The following DENND2A variants were observed in gnomAD, a reference collection of about 807,000 sequenced individuals.
DENND2A encodes the protein DENN domain containing 2A.
A neutral mutation model predicts 105.3 loss-of-function variants in DENND2A; 53 were observed. That is an observed-to-expected ratio of 0.50 (90% confidence interval 0.40 to 0.63). The LOEUF is 0.63. Ranked by LOEUF, DENND2A falls within the 30% of genes least tolerant of loss-of-function variation. DENND2A has a pLI of 0.00. For synonymous variants in DENND2A, 522 were observed against 508.4 expected, an observed-to-expected ratio of 1.03 and a Z score of -0.36; for missense variants, 1,138 against 1,279.6, an observed-to-expected ratio of 0.89 and a Z score of 1.69.
intron 1 of DENND2A, among the ~76,000 whole-genome samples, chr7:140,620,228 G>T (rs751242138): frequency 1.3e-5 from 2 of 151,238 alleles, no homozygotes; most frequent in African/African-American, 2.4e-5. Context: ...TTAAACTGAA[G>T]CTAGAAAGAA....
intron 5 of DENND2A, among the ~76,000 whole-genome samples, chr7:140,580,333 G>T (rs79516429): frequency 2.0e-4 from 30 of 152,180 alleles, no homozygotes; most frequent in Non-Finnish European, 2.9e-4. Flanking sequence ...ATGTATGTAT[G>T]TATTTATTTA....
At chr7:140,568,001 C>T (rs1240734521) in intron 8 of DENND2A, among the ~76,000 whole-genome samples, 3 of 152,072 alleles carry the variant, frequency 2.0e-5, no homozygotes, top group Non-Finnish European at 4.4e-5. Flanking sequence ...AGTGCAATGG[C>T]GCAATCTCAG....
chr7:140,591,731 TTC>T lies in DENND2A; in HGVS notation c.996-3953_996-3952del, dbSNP rs199843276. On this transcript the variant is annotated intron_variant, in intron 3 of 19. Coordinates refer to ENST00000496613, the MANE Select transcript of DENND2A (RefSeq NM_015689.5). ...CTTCTTTCTCTCTCTTTCCTTTCCTTTCTCTCTCTCTTTTCTTTCTCTTTCCC... is the reference window on the plus strand; with the variant it reads ...CTTCTTTCTCTCTCTTTCCTTTCCTTTCTCTCTCTTTTCTTTCTCTTTCCC... Among the ~76,000 whole-genome samples, 320 of 149,692 alleles carry T rather than the reference TTC, an allele frequency of 2.1e-3. 3 individuals carry two copies. Among genetic ancestry groups the T allele is most frequent in the Middle Eastern group, 6.8e-3 (2 of 294 alleles).
chr7:140,548,891 A>G (rs1465670923), intron 12 of DENND2A, among the ~76,000 whole-genome samples: 1 of 151,862 alleles, frequency 6.6e-6, no homozygotes, highest in East Asian at 2.0e-4. Flanking sequence ...GATTACAGGC[A>G]TGAGCCACTG....
intron 1 of DENND2A, among the ~76,000 whole-genome samples, chr7:140,637,206 A>C (rs1045686118): frequency 2.0e-5 from 3 of 150,400 alleles, no homozygotes; most frequent in Non-Finnish European, 4.5e-5. Context: ...GGCTAGTCTC[A>C]AACTCTCCTC....
At chr7:140,631,538 A>G (rs373846212) in intron 1 of DENND2A, among the ~76,000 whole-genome samples, 16 of 152,236 alleles carry the variant, frequency 1.1e-4, no homozygotes, top group African/African-American at 3.9e-4. Flanking sequence ...GAGAGGGATT[A>G]AGAAGCTCTC....
chr7:140,586,626 C>A (rs916221489), intron 4 of DENND2A, among the ~76,000 whole-genome samples: 2 of 152,152 alleles, frequency 1.3e-5, no homozygotes, highest in African/African-American at 4.8e-5. Flanking sequence ...GTTGGGTTTT[C>A]TGTTCCTTGT....
chr7:140,562,395 C>T (rs890549961), intron 9 of DENND2A, among the ~76,000 whole-genome samples: 3 of 152,032 alleles, frequency 2.0e-5, no homozygotes, highest in African/African-American at 7.2e-5. Context: ...GGCGTGGTGG[C>T]TCACGCCTGT....
Position 140,629,091 on chromosome 7 carries a change from C to T in DENND2A, c.-248+11413G>A, listed in dbSNP as rs557317621. Among the ~76,000 whole-genome samples the T allele has an allele frequency of 3.3e-5, 5 of 152,196 alleles. No individual in the cohort carries two copies. The South Asian group carries it at 1.0e-3, about 32-fold the overall frequency. On this transcript the variant is annotated intron_variant, in intron 1 of 19. Transcript: ENST00000496613. ...GGAATGCCTGACACGCCCTTAAACT[C>T]ACAGAAAACTCAAGAGGAATCCATG... is the stretch of plus-strand genomic sequence containing the variant.
At chr7:140,595,857 C>T (rs1359616871) in intron 3 of DENND2A, among the ~76,000 whole-genome samples, 1 of 152,148 alleles carries the variant, frequency 6.6e-6, no homozygotes, top group East Asian at 1.9e-4. Context: ...CACGCGCTGA[C>T]TTCCATCCTC....
At chr7:140,581,000 T>C (rs186465522) in intron 5 of DENND2A, among the ~76,000 whole-genome samples, 1,944 of 150,740 alleles carry the variant, frequency 0.013, 31 homozygotes, top group African/African-American at 0.043. Context: ...CGGTGGCTTA[T>C]GCCTGTAATC....
At chr7:140,624,365 ACAC>A (rs1800422260) in intron 1 of DENND2A, among the ~76,000 whole-genome samples, 1 of 120,786 alleles carries the variant, frequency 8.3e-6, no homozygotes, top group Non-Finnish European at 1.8e-5. Flanking sequence ...AACAACAACA[ACAC>A]AACAACAACA....
chr7:140,586,922 GT>G (rs1372979792), intron 4 of DENND2A, among the ~76,000 whole-genome samples: 4 of 152,088 alleles, frequency 2.6e-5, no homozygotes, highest in Non-Finnish European at 5.9e-5. Flanking sequence ...TTATCAGCTT[GT>G]TTCTTCCCCC....
chr7:140,557,306 G>C (rs893271008), intron 11 of DENND2A, among the ~76,000 whole-genome samples: 26 of 151,290 alleles, frequency 1.7e-4, no homozygotes, highest in African/African-American at 6.3e-4. Flanking sequence ...TCGGGAGGCT[G>C]AGGCAGGAGG....
At chr7:140,594,917 T>C (rs1202941760) in intron 3 of DENND2A, among the ~76,000 whole-genome samples, 1 of 152,046 alleles carries the variant, frequency 6.6e-6, no homozygotes, top group South Asian at 2.1e-4. Context: ...GGTTGCACCA[T>C]GTTGGCCAGG....
chr7:140,544,380 A>G (rs1796805590), intron 14 of DENND2A: 15 of 592,572 alleles, frequency 2.5e-5, no homozygotes, highest in Non-Finnish European at 3.0e-6. Context: ...TTTTTAGTAG[A>G]GACGGAGTTT....
chr7:140,593,721 C>T (rs962108045), intron 3 of DENND2A, among the ~76,000 whole-genome samples: 1 of 152,026 alleles, frequency 6.6e-6, no homozygotes, highest in African/African-American at 2.4e-5. Context: ...CTAGTTAACC[C>T]AAGTTTTACC....
At chr7:140,549,896 GATAA>G in intron 12 of DENND2A, among the ~76,000 whole-genome samples, 1 of 152,166 alleles carries the variant, frequency 6.6e-6, no homozygotes, top group South Asian at 2.1e-4. Context: ...TGGATAAATG[GATAA>G]ATAAAATGTT....
In DENND2A at chr7:140,601,510, C is replaced by T; in HGVS notation, c.888G>A (p.Leu296=). The change falls in exon 3 of 20, where the codon CTG becomes CTA. Residue 296 remains leucine (L), a synonymous_variant. Coordinates refer to ENST00000496613, the MANE Select transcript of DENND2A (RefSeq NM_015689.5). ...GGGGAGGTAGAGAGGGCAGAGGAGG[C>T]AGATTTCTTTTCTCTTTCCTGAAGC... ...GIGFRKEKRN[L]PPLPSLPPPP... 1 of 1,614,092 alleles carries T rather than the reference C, an allele frequency of 6.2e-7. No individual in the cohort carries two copies. Among genetic ancestry groups the T allele is most frequent in the African/African-American group, 1.3e-5 (1 of 75,016 alleles).
Sources: allele counts gnomAD v4.1 joint callset (sites outside exome capture counted in the v4.1 genomes callset), GRCh38; gene constraint gnomAD v4.1.1; transcripts MANE v1.5; gene names NCBI Gene and HGNC (gene_info 2026-07-23, HGNC 2026-07-21).